Variants in OR56A3 observed in about 807,000 individuals in gnomAD.
OR56A3 encodes the protein olfactory receptor family 56 subfamily A member 3.
A neutral mutation model predicts 17.5 loss-of-function variants in OR56A3; 23 were observed. The ratio of observed to expected loss-of-function variants is 1.32; its 90% confidence interval spans 0.95 to 1.87. The LOEUF (loss-of-function observed/expected upper bound fraction) is 1.87. OR56A3 is among the 40% of genes most tolerant of loss of function. The probability of loss-of-function intolerance (pLI) is 0.00; values close to 1 mark genes in which losing one functional copy is unlikely to be tolerated. For synonymous variants in OR56A3, 175 were observed against 150.6 expected (o/e 1.16, Z -1.19); for missense variants, 366 against 380.1 (o/e 0.96, Z 0.31).
At chr11:6,007,806 G>A in the OR56A3 span, among the ~76,000 whole-genome samples, 4 of 152,194 alleles carry the variant, frequency 2.6e-5, no homozygotes, top group Non-Finnish European at 5.9e-5. Context: ...AGCATGGACC[G>A]TGGCCAGTTG....
the OR56A3 span, among the ~76,000 whole-genome samples, chr11:6,014,537 T>A: frequency 6.6e-6 from 1 of 152,208 alleles, no homozygotes; most frequent in Non-Finnish European, 1.5e-5. Flanking sequence ...CAGAAGCAGA[T>A]GCTGTTATGC....
At chr11:6,018,293 T>C in the OR56A3 span, among the ~76,000 whole-genome samples, 2 of 152,212 alleles carry the variant, frequency 1.3e-5, no homozygotes, top group African/African-American at 4.8e-5. Context: ...ATTCATCTCA[T>C]CAGCACAAAG....
the OR56A3 span, among the ~76,000 whole-genome samples, chr11:5,989,050 A>G: frequency 6.6e-6 from 1 of 152,248 alleles, no homozygotes; most frequent in East Asian, 1.9e-4. Flanking sequence ...TGAATATGAT[A>G]GCTATAAAGT....
chr11:6,008,623 T>A, the OR56A3 span, among the ~76,000 whole-genome samples: 17 of 151,956 alleles, frequency 1.1e-4, no homozygotes, highest in African/African-American at 4.1e-4. Flanking sequence ...CACAATTTCC[T>A]CATCTGAAAT....
At chr11:5,993,514 T>A in the OR56A3 span, among the ~76,000 whole-genome samples, 1 of 152,304 alleles carries the variant, frequency 6.6e-6, no homozygotes, top group Admixed American at 6.5e-5. Context: ...TCCTCTCTTT[T>A]CTGAGAATGT....
At chr11:5,966,377 A>G in the OR56A3 span, among the ~76,000 whole-genome samples, 2 of 152,114 alleles carry the variant, frequency 1.3e-5, no homozygotes, top group South Asian at 2.1e-4. Context: ...CTGTCTCCCT[A>G]TCTCAAAAAA....
At chr11:6,004,117 G>A in the OR56A3 span, among the ~76,000 whole-genome samples, 1 of 152,100 alleles carries the variant, frequency 6.6e-6, no homozygotes, top group Admixed American at 6.6e-5. Flanking sequence ...GCTTTGGGAG[G>A]CCAAGGGAGG....
the OR56A3 span, chr11:5,986,669 C>T: frequency 0.19 from 310,498 of 1,613,452 alleles, 32,767 homozygotes; most frequent in Admixed American, 0.34. Flanking sequence ...AGAACCAGGT[C>T]GATGGCAGCT....
the OR56A3 span, among the ~76,000 whole-genome samples, chr11:5,966,893 A>AACACACACACACACACAC: frequency 8.4e-4 from 124 of 147,222 alleles, no homozygotes; most frequent in African/African-American, 3.0e-3. Context: ...CACTTAAAGC[A>AACACACACACACACACAC]ACACACACAC....
At chr11:6,003,357 T>C in the OR56A3 span, among the ~76,000 whole-genome samples, 51 of 152,232 alleles carry the variant, frequency 3.4e-4, no homozygotes, top group African/African-American at 1.2e-3. Flanking sequence ...GTATCATTTA[T>C]TGTTGTGCGT....
chr11:5,997,919 T>C, the OR56A3 span, among the ~76,000 whole-genome samples: 1 of 152,168 alleles, frequency 6.6e-6, no homozygotes, highest in African/African-American at 2.4e-5. Context: ...ATATTTGTTA[T>C]TAATGATAAG....
chr11:5,980,111 T>C, the OR56A3 span, among the ~76,000 whole-genome samples: 1 of 152,072 alleles, frequency 6.6e-6, no homozygotes, highest in African/African-American at 2.4e-5. Context: ...CTGAGCATGT[T>C]ATTGATTTTA....
the OR56A3 span, among the ~76,000 whole-genome samples, chr11:5,975,788 C>G: frequency 6.6e-6 from 1 of 152,186 alleles, no homozygotes; most frequent in East Asian, 1.9e-4. Context: ...GCCACACTGA[C>G]TTCCACAATG....
At chr11:5,967,992 C>T in the OR56A3 span, 384 of 1,589,172 alleles carry the variant, frequency 2.4e-4, 2 homozygotes, top group African/African-American at 4.6e-3. Flanking sequence ...GTATCTGAGT[C>T]GAGAAGAAAG....
downstream of OR56A3, among the ~76,000 whole-genome samples, chr11:5,955,941 G>A (rs944320947): frequency 2.6e-5 from 4 of 152,028 alleles, no homozygotes; most frequent in South Asian, 4.1e-4. Context: ...CAGCTGCAGC[G>A]TTTACCCCAA....
the OR56A3 span, among the ~76,000 whole-genome samples, chr11:6,018,696 A>C: frequency 2.6e-5 from 4 of 151,994 alleles, no homozygotes; most frequent in Admixed American, 2.6e-4. Context: ...TAAAAATCAG[A>C]ATAGAACTTT....
At position 5,947,525 on chromosome 11, in the gene OR56A3, A is replaced by G. The variant is rs771255826; in HGVS notation, c.179A>G (p.His60Arg). The change falls in exon 3 of 3, where the codon CAC (histidine) becomes CGC (arginine). Residue 60 changes from histidine to arginine, a missense_variant. Physicochemically the swap from His to Arg is conservative, Grantham distance 29. Transcript: ENST00000641160. ...ACCATCTGGCTGGAGGCCTCTCTGC[A>G]CCAGCCCCTGTACTACCTGCTCAGC... ...LMTIWLEASL[H>R]QPLYYLLSLL... The G allele has an allele frequency of 6.2e-7, 1 of 1,613,922 alleles. No homozygotes were observed. The highest frequency in any genetic ancestry group is 1.1e-5 in the South Asian group (1 of 91,066).
At chr11:5,944,050 T>C (rs987042711) in intron 1 of OR56A3, among the ~76,000 whole-genome samples, 16 of 152,186 alleles carry the variant, frequency 1.1e-4, no homozygotes, top group Non-Finnish European at 2.1e-4. Flanking sequence ...TGAATGAACA[T>C]AGTGCCCAGG....
At chr11:5,960,002 C>T in the OR56A3 span, among the ~76,000 whole-genome samples, 2 of 152,086 alleles carry the variant, frequency 1.3e-5, no homozygotes, top group South Asian at 2.1e-4. Context: ...TTCTGAGCTC[C>T]CTATTCTGCT....
Sources: allele counts gnomAD v4.1 joint callset (sites outside exome capture counted in the v4.1 genomes callset), GRCh38; gene constraint gnomAD v4.1.1; transcripts MANE v1.5; gene names NCBI Gene and HGNC (gene_info 2026-07-23, HGNC 2026-07-21).